The following NUB1 variants were observed in gnomAD, a reference collection of about 807,000 sequenced individuals.
NUB1 encodes the protein NEDD8 ultimate buster 1.
Under a neutral mutation model 77.1 loss-of-function variants are expected in NUB1, and 41 were observed. The observed-to-expected ratio is 0.53, with a 90% CI of 0.41 to 0.69. The LOEUF (loss-of-function observed/expected upper bound fraction) is 0.69, where lower values mean the gene tolerates loss of function less well. Among genes scored for constraint, NUB1 ranks in the 30% least tolerant of loss-of-function variants. The probability of loss-of-function intolerance (pLI) is 0.00; values close to 1 mark genes in which losing one functional copy is unlikely to be tolerated. For missense variants in NUB1, 643 were observed against 743.8 expected, an observed-to-expected ratio of 0.86 and a Z score of 1.58; for synonymous variants, 257 against 281.0, an observed-to-expected ratio of 0.91 and a Z score of 0.85.
At chr7:151,357,084 A>C (rs1584948578) in intron 7 of NUB1, among the ~76,000 whole-genome samples, 1 of 151,754 alleles carries the variant, frequency 6.6e-6, no homozygotes. Context: ...TGGCACCATC[A>C]TAGCTCACTG....
Position 151,377,408 on chromosome 7 carries a change from A to C in NUB1, c.*183A>C. 1 of 469,180 alleles carries C rather than the reference A, an allele frequency of 2.1e-6. No individual in the cohort carries two copies. The highest frequency in any genetic ancestry group is 3.7e-6 in the Non-Finnish European group (1 of 267,020). The allele number at this position is 469,180 out of a possible 1,614,324, so 29.1% of individuals were successfully genotyped here. A position where few individuals can be genotyped will look rare whatever the true frequency, so the allele number is the denominator to read the frequency against. The stretch of plus-strand genomic sequence containing the variant: ...GCCTTCATGCGTGGTCTCGGGGAAG[A>C]AGCTTCCTCTGGCCTGGCGCAGGCC... On this transcript the variant is annotated 3_prime_UTR_variant, in exon 15 of 15. Transcript: ENST00000568733.
At chr7:151,369,777 C>A (rs1352279105) in intron 11 of NUB1, among the ~76,000 whole-genome samples, 4 of 152,182 alleles carry the variant, frequency 2.6e-5, no homozygotes, top group Non-Finnish European at 5.9e-5. Context: ...AAACTCCAGC[C>A]ATAGAAGTCT....
intron 5 of NUB1, 72 bp downstream of exon 5, chr7:151,352,954 AAT>A (rs1796889103): frequency 2.5e-6 from 2 of 812,146 alleles, no homozygotes; most frequent in Middle Eastern, 2.5e-4. Flanking sequence ...TTTTTTTCTC[AAT>A]GTCTTTTCAA....
chr7:151,345,256 G>C, intron 1 of NUB1, 92 bp from the exon 2 acceptor site: 2 of 754,780 alleles, frequency 2.6e-6, no homozygotes, highest in East Asian at 2.8e-5. Context: ...AGGGAGCTTT[G>C]CTTACCCAAC....
chr7:151,359,060 G>C (rs2150685283), intron 7 of NUB1, among the ~76,000 whole-genome samples: 1 of 150,534 alleles, frequency 6.6e-6, no homozygotes, highest in Admixed American at 6.6e-5. Context: ...GCGAGACTCT[G>C]TCTCAAAAAA....
chr7:151,348,870 C>T (rs1584937184), intron 2 of NUB1, among the ~76,000 whole-genome samples: 1 of 152,256 alleles, frequency 6.6e-6, no homozygotes, highest in East Asian at 1.9e-4. Context: ...CCACCGCGCC[C>T]AGTCTCAAAT....
At chr7:151,345,822 T>G (rs532307162) in intron 2 of NUB1, among the ~76,000 whole-genome samples, 1 of 152,346 alleles carries the variant, frequency 6.6e-6, no homozygotes, top group African/African-American at 2.4e-5. Context: ...CGGTCCTCCT[T>G]GCTATCATCA....
chr7:151,351,556 G>A (rs530876399), intron 4 of NUB1, 74 bp downstream of exon 4: 17 of 1,065,226 alleles, frequency 1.6e-5, no homozygotes, highest in Admixed American at 7.2e-5. Context: ...CTCTGTGAGC[G>A]TCCTCTTAAG....
intron 8 of NUB1, among the ~76,000 whole-genome samples, chr7:151,365,078 C>G (rs60175285): frequency 6.6e-6 from 1 of 151,718 alleles, no homozygotes; most frequent in African/African-American, 2.4e-5. Flanking sequence ...CCTGCCTCGG[C>G]CTCCCAAAGT....
intron 1 of NUB1, among the ~76,000 whole-genome samples, chr7:151,344,913 T>C (rs111618573): frequency 1.3e-5 from 2 of 151,962 alleles, no homozygotes; most frequent in African/African-American, 2.4e-5. Context: ...TGCAGGGGAA[T>C]TGCTTGAACC....
intron 13 of NUB1, chr7:151,376,351 C>T (rs1434657755): frequency 1.0e-5 from 5 of 492,892 alleles, no homozygotes; most frequent in African/African-American, 3.8e-5. Context: ...CCACTGACCT[C>T]GCGGTGCTCG....
chr7:151,378,128 G>A lies in NUB1; in HGVS notation c.*903G>A, dbSNP rs986092943. 104 of 152,040 alleles carry A rather than the reference G, an allele frequency of 6.8e-4. No homozygotes were observed. The highest frequency in any genetic ancestry group is 2.2e-3 in the African/African-American group (92 of 41,358). 9.4% of individuals were successfully genotyped at this position (152,040 alleles called of 1,614,324 possible). A position where few individuals can be genotyped will look rare whatever the true frequency, so the allele number is the denominator to read the frequency against. On this transcript the variant is annotated 3_prime_UTR_variant, in exon 15 of 15. Transcript: ENST00000568733. ...GGCTCTTTCTAAAAGTATGTAGTTCGCTGTGTGTCGGCTCCAGCAGTAACC... is the reference window on the plus strand; with the variant it reads ...GGCTCTTTCTAAAAGTATGTAGTTCACTGTGTGTCGGCTCCAGCAGTAACC...
rs2994484 is a variant in NUB1 at position 151,344,776 on chromosome 7, G to A, written c.-2-572G>A. On this transcript the variant is annotated intron_variant, in intron 1 of 14. Coordinates refer to ENST00000568733, the MANE Select transcript of NUB1 (RefSeq NM_001243351.2). Reference sequence around the variant, plus strand: ...CAGCGTTTTGAGACCAAGGTGGGTGGATCACTTGAGGTCAGGAATTCGAGA... The same window carrying A: ...CAGCGTTTTGAGACCAAGGTGGGTGAATCACTTGAGGTCAGGAATTCGAGA... 9.5e-3 allele frequency among the ~76,000 whole-genome samples: 1,445 copies of A among 152,232 alleles called. 31 individuals carry two copies. The highest frequency in any genetic ancestry group is 0.033 in the African/African-American group (1,374 of 41,522).
chr7:151,358,686 G>A (rs1797202246), intron 7 of NUB1, among the ~76,000 whole-genome samples: 1 of 152,200 alleles, frequency 6.6e-6, no homozygotes, highest in African/African-American at 2.4e-5. Context: ...AAAAGGTTGG[G>A]ACTACTGCTT....
At chr7:151,370,978 C>T (rs921981274) in intron 11 of NUB1, among the ~76,000 whole-genome samples, 1 of 152,136 alleles carries the variant, frequency 6.6e-6, no homozygotes, top group African/African-American at 2.4e-5. Flanking sequence ...CGAGAGGCCA[C>T]AGGACAGGTA....
Position 151,355,956 on chromosome 7 carries a change from C to G in NUB1, c.598+6C>G, listed in dbSNP as rs201576249. The stretch of plus-strand genomic sequence containing the variant: ...AGAAATACTGGCAAAGAGAGGTACC[C>G]AGAGCTCTGGGCTTGTCACCCACTC... On this transcript the variant is annotated splice_donor_region_variant and intron_variant, in intron 6 of 14. Transcript: ENST00000568733. 2.4e-5 allele frequency: 38 copies of G among 1,613,108 alleles called. No homozygotes were observed. The highest frequency in any genetic ancestry group is 3.1e-5 in the Non-Finnish European group (37 of 1,179,476).
rs779992955 is a variant in NUB1 at position 151,356,162 on chromosome 7, G to A, written c.633G>A (p.Pro211=). The A allele has an allele frequency of 1.2e-5, 20 of 1,613,672 alleles. No individual in the cohort carries two copies. The highest frequency in any genetic ancestry group is 2.7e-5 in the African/African-American group (2 of 74,918). ...CAGTGGTGGATCCAGAAATGACACC[G>A]TACTTAGACATAGCTAACCAGACAG... ...AETVVDPEMT[P]YLDIANQTGR... is the part of the protein sequence containing the mutation. The change falls in exon 7 of 15, where the codon CCG becomes CCA. Residue 211 remains proline (P), a synonymous_variant. Transcript: ENST00000568733.
intron 1 of NUB1, 64 bp from the exon 2 acceptor site, chr7:151,345,284 A>G (rs1237129002): frequency 1.0e-6 from 1 of 994,982 alleles, no homozygotes; most frequent in East Asian, 2.5e-5. Flanking sequence ...CTTAACATGT[A>G]GGTAAGTTAT....
At chr7:151,370,489 C>T (rs1797903980) in intron 11 of NUB1, among the ~76,000 whole-genome samples, 1 of 152,070 alleles carries the variant, frequency 6.6e-6, no homozygotes, top group African/African-American at 2.4e-5. Flanking sequence ...ACTATTACTC[C>T]ACTACCAGTA....
Sources: gnomAD v4.1 joint callset for allele counts (sites outside exome capture counted in the v4.1 genomes callset) on GRCh38, gnomAD v4.1.1 for gene constraint, MANE v1.5 for transcripts, NCBI Gene and HGNC (gene_info 2026-07-23, HGNC 2026-07-21) for gene names.